XCR1: variants seen among roughly 807,000 people sequenced by gnomAD.
XCR1 encodes chemokine XC receptor 1.
For synonymous variants in XCR1, 187 were observed against 188.5 expected (o/e 0.99, Z 0.06); for missense variants, 356 against 424.2 (o/e 0.84, Z 1.41).
Position 46,021,325 on chromosome 3 carries a change from A to C in XCR1, c.623T>G (p.Ile208Ser), listed in dbSNP as rs1226656524. The change falls in exon 2 of 2, where the codon ATC becomes AGC. Residue 208 changes from isoleucine (I) to serine (S), a missense_variant. Ile to Ser is a moderately radical substitution (Grantham distance 142). Transcript: ENST00000309285. The surrounding 1 kb of genome is among the most constrained non-coding windows in gnomAD (Gnocchi z 4.7). The part of the protein sequence containing the change: ...LGIILFCYVE[I>S]LRTLFRSRSK... ...GCGTGAGCGGAACAGGGTCCTGAGG[A>C]TCTCCACGTAGCAGAACAGGATAAT... is the stretch of plus-strand genomic sequence containing the variant. The C allele has an allele frequency of 6.2e-7, 1 of 1,614,152 alleles. No homozygotes were observed. Among genetic ancestry groups the C allele is most frequent in the Non-Finnish European group, 8.5e-7 (1 of 1,180,032 alleles).
At chr3:46,074,240 T>TG (rs1698215001) in intron 3 of XCR1, among the ~76,000 whole-genome samples, 1 of 129,870 alleles carries the variant, frequency 7.7e-6, no homozygotes, top group South Asian at 2.7e-4. Flanking sequence ...TTTTTTTTTT[T>TG]GAGACAGGGT....
In XCR1 at chr3:46,021,910, A is replaced by G. The variant is rs754122694; in HGVS notation, c.38T>C (p.Phe13Ser). The G allele has an allele frequency of 6.2e-7, 1 of 1,613,956 alleles. No homozygotes were observed. Among genetic ancestry groups the G allele is most frequent in the South Asian group, 1.1e-5 (1 of 91,050 alleles). The change falls in exon 2 of 2, where the codon TTT becomes TCT. Residue 13 changes from phenylalanine to serine, a missense_variant. Transcript: ENST00000309285. The surrounding 1 kb of genome is among the most constrained non-coding windows in gnomAD (Gnocchi z 4.7). ...CGGCTGGCTCTGAAGGTCATAGTAA[A>G]AAAAGGTGGTGCTCTCTGGGTTGCC... The part of the protein sequence containing the change: ...SSGNPESTTF[F>S]YYDLQSQPCE...
Position 46,020,888 on chromosome 3 carries a change from A to T in XCR1, c.*58T>A, listed in dbSNP as rs1708125409. ...ATGCTCCTTCCAGGCCCGCTTCTCC[A>T]TGACCCCCATTCCAGTCCCTGTCCA... On this transcript the variant is annotated 3_prime_UTR_variant, in exon 2 of 2. Coordinates refer to ENST00000309285, the MANE Select transcript of XCR1 (RefSeq NM_001024644.2). 3 of 1,562,886 alleles carry T rather than the reference A, an allele frequency of 1.9e-6. No individual in the cohort carries two copies. The highest frequency in any genetic ancestry group is 2.6e-6 in the Non-Finnish European group (3 of 1,156,654).
At chr3:46,073,489 G>A (rs1330324082) in intron 3 of XCR1, among the ~76,000 whole-genome samples, 1 of 152,170 alleles carries the variant, frequency 6.6e-6, no homozygotes, top group African/African-American at 2.4e-5. Context: ...TTGGGAGGCT[G>A]AGGCATGAGA....
intron 4 of XCR1, among the ~76,000 whole-genome samples, chr3:46,062,954 C>T (rs920602354): frequency 5.9e-5 from 9 of 152,334 alleles, no homozygotes; most frequent in African/African-American, 1.4e-4. Context: ...AGCTTGAAAT[C>T]AGCCAAAGTG....
chr3:46,066,748 A>G (rs923550641), intron 4 of XCR1, among the ~76,000 whole-genome samples: 3 of 152,254 alleles, frequency 2.0e-5, no homozygotes, highest in African/African-American at 7.2e-5. Flanking sequence ...GTCTGGAGTT[A>G]GACCACGGGG....
At position 46,020,863 on chromosome 3, in the gene XCR1, A is replaced by G; in HGVS notation, c.*83T>C. On this transcript the variant is annotated 3_prime_UTR_variant, in exon 2 of 2. Transcript: ENST00000309285. ...CGTCTCCACCCTGCTGTGTTCTGCA[A>G]TGCTCCTTCCAGGCCCGCTTCTCCA... is the stretch of plus-strand genomic sequence containing the variant. The G allele has an allele frequency of 1.3e-6, 2 of 1,513,084 alleles. No individual in the cohort carries two copies. Among genetic ancestry groups the G allele is most frequent in the East Asian group, 2.3e-5 (1 of 42,562 alleles). 93.7% of individuals were successfully genotyped at this position (1,513,084 alleles called of 1,614,324 possible).
At chr3:46,078,446 T>C (rs547813469) in intron 1 of XCR1, among the ~76,000 whole-genome samples, 9 of 152,314 alleles carry the variant, frequency 5.9e-5, no homozygotes, top group African/African-American at 2.2e-4. Flanking sequence ...AGATTTTGCC[T>C]GAGCTATGTT....
intron 4 of XCR1, among the ~76,000 whole-genome samples, chr3:46,064,272 C>G (rs896607166): frequency 2.6e-5 from 4 of 152,192 alleles, no homozygotes; most frequent in African/African-American, 7.2e-5. Flanking sequence ...CTCTTTTAGA[C>G]TACAGTCTCC....
intron 1 of XCR1, among the ~76,000 whole-genome samples, chr3:46,080,198 G>C (rs1383882632): frequency 7.6e-6 from 1 of 131,924 alleles, no homozygotes. Flanking sequence ...AAAAAAAAAA[G>C]AAAAAAAAAG....
chr3:46,074,817 AT>A (rs1429280242), intron 2 of XCR1, among the ~76,000 whole-genome samples: 1 of 152,152 alleles, frequency 6.6e-6, no homozygotes, highest in Non-Finnish European at 1.5e-5. Context: ...GTTTAAACCC[AT>A]GTTGTTCAAG....
chr3:46,065,484 C>T (rs1698051715), intron 4 of XCR1, among the ~76,000 whole-genome samples: 1 of 152,232 alleles, frequency 6.6e-6, no homozygotes, highest in Non-Finnish European at 1.5e-5. Flanking sequence ...CTGAGCTGTT[C>T]TGGGCCACCT....
At chr3:46,076,337 T>C (rs1311564542) in intron 2 of XCR1, among the ~76,000 whole-genome samples, 1 of 152,170 alleles carries the variant, frequency 6.6e-6, no homozygotes, top group Non-Finnish European at 1.5e-5. Context: ...AATTGTTGAA[T>C]GTAAGGTATG....
intron 5 of XCR1, among the ~76,000 whole-genome samples, chr3:46,048,095 G>A (rs1697669727): frequency 6.6e-6 from 1 of 152,206 alleles, no homozygotes; most frequent in Non-Finnish European, 1.5e-5. Flanking sequence ...ATGGCTGAGT[G>A]ACGTTTTTGT....
chr3:46,024,032 C>A, intron 1 of XCR1: 1 of 1,290,582 alleles, frequency 7.7e-7, no homozygotes, highest in Non-Finnish European at 1.1e-6. Flanking sequence ...CAGAAGTTTG[C>A]AGCAAATGCC....
intron 1 of XCR1, chr3:46,023,849 T>C: frequency 6.5e-7 from 1 of 1,528,038 alleles, no homozygotes; most frequent in Admixed American, 1.7e-5. Flanking sequence ...GTGGAATTCC[T>C]TGTGGCTGAG....
chr3:46,047,580 G>A (rs185831222), intron 5 of XCR1, among the ~76,000 whole-genome samples: 33 of 152,264 alleles, frequency 2.2e-4, no homozygotes, highest in Admixed American at 6.5e-4. Flanking sequence ...GCTATTATTG[G>A]ATAGTATTCC....
intron 1 of XCR1, among the ~76,000 whole-genome samples, chr3:46,026,790 G>C (rs1233123811): frequency 6.6e-6 from 1 of 151,864 alleles, no homozygotes; most frequent in African/African-American, 2.4e-5. Context: ...CACCATGTTA[G>C]CCAGGATGGT....
intron 3 of XCR1, among the ~76,000 whole-genome samples, chr3:46,073,715 A>G (rs1270334548): frequency 8.6e-6 from 1 of 115,656 alleles, no homozygotes; most frequent in Non-Finnish European, 1.6e-5. Flanking sequence ...CAAGGAATTC[A>G]AACAACTCAA....
Sources: allele counts gnomAD v4.1 joint callset (sites outside exome capture counted in the v4.1 genomes callset), GRCh38; gene constraint gnomAD v4.1.1; non-coding constraint Gnocchi (gnomAD v3.1); transcripts MANE v1.5; gene names NCBI Gene and HGNC (gene_info 2026-07-23, HGNC 2026-07-21).